Variants in PCDHGA6 observed in about 807,000 individuals in gnomAD.
PCDHGA6 encodes protocadherin gamma-A6.
Under a neutral mutation model 60.6 loss-of-function variants are expected in PCDHGA6, and 41 were observed. The observed-to-expected ratio is 0.68, with a 90% CI of 0.53 to 0.88. The LOEUF is 0.88. Among genes scored for constraint, PCDHGA6 ranks in the 40% least tolerant of loss-of-function variants. PCDHGA6 has a pLI of 0.00. For missense variants in PCDHGA6, 1,312 were observed against 1,203.0 expected (o/e 1.09, Z -1.34); for synonymous variants, 594 against 524.4 (o/e 1.13, Z -1.81).
chr5:141,476,687 A>G lies in PCDHGA6; in HGVS notation c.2425-18120A>G. 1 of 1,614,212 alleles carries G rather than the reference A, an allele frequency of 6.2e-7. No individual in the cohort carries two copies. Among genetic ancestry groups the G allele is most frequent in the Non-Finnish European group, 8.5e-7 (1 of 1,180,044 alleles). On this transcript the variant is annotated intron_variant, in intron 1 of 3. Transcript: ENST00000517434. This position sits in a 1 kb window ranked among gnomAD's most constrained non-coding sequence, Gnocchi z 7.6. ...TCGCGTGCAGACGCGGGAGGACAGC[A>G]CCAAGTACGCGGAGCTGGTGTTGGA... is the stretch of plus-strand genomic sequence containing the variant.
chr5:141,436,638 A>G (rs2097838155), intron 1 of PCDHGA6, among the ~76,000 whole-genome samples: 1 of 152,194 alleles, frequency 6.6e-6, no homozygotes, highest in Non-Finnish European at 1.5e-5. Flanking sequence ...ACATGCAATT[A>G]ATTAACAGTA....
In PCDHGA6 at chr5:141,511,125, A is replaced by T. The variant is rs755685600; in HGVS notation, c.2751A>T (p.Ala917=). Residue 917 remains alanine, a synonymous_variant, in exon 4 of 4, where the codon GCA becomes GCT. Transcript: ENST00000517434. ...GCAAGCGGGATGGCAAGGCCCCAGCAGGTGGCAATGGCAACAAGAAGAAGT... is the reference window on the plus strand; with the variant it reads ...GCAAGCGGGATGGCAAGGCCCCAGCTGGTGGCAATGGCAACAAGAAGAAGT... ...AAGKRDGKAP[A]GGNGNKKKSG... 2 of 1,614,216 alleles carry T rather than the reference A, an allele frequency of 1.2e-6. No individual in the cohort carries two copies. The highest frequency in any genetic ancestry group is 2.2e-5 in the South Asian group (2 of 91,092).
intron 1 of PCDHGA6, chr5:141,392,823 C>A: frequency 6.3e-7 from 1 of 1,599,890 alleles, no homozygotes; most frequent in Non-Finnish European, 8.5e-7. Flanking sequence ...AATGGCCGCT[C>A]CACAGAGTCG....
chr5:141,427,798 T>A, intron 1 of PCDHGA6: 1 of 1,506,550 alleles, frequency 6.6e-7, no homozygotes. Context: ...TACGTGTCCG[T>A]GAGCGCACAG....
intron 1 of PCDHGA6, chr5:141,413,659 A>G (rs2095663872): frequency 1.2e-6 from 2 of 1,613,830 alleles, no homozygotes; most frequent in African/African-American, 1.3e-5. Flanking sequence ...CCCGGAAGCT[A>G]TTGATCCGGA....
intron 1 of PCDHGA6, among the ~76,000 whole-genome samples, chr5:141,466,790 A>C (rs1240777427): frequency 2.0e-5 from 3 of 152,210 alleles, no homozygotes; most frequent in Non-Finnish European, 2.9e-5. Context: ...TTAGTGCCTC[A>C]AACTAGATCC....
At chr5:141,418,572 A>AC (rs752316020) in intron 1 of PCDHGA6, 2 of 1,613,794 alleles carry the variant, frequency 1.2e-6, no homozygotes, top group African/African-American at 1.3e-5. Context: ...GCCAATGACA[A>AC]CCCCCCAGTG....
intron 1 of PCDHGA6, among the ~76,000 whole-genome samples, chr5:141,472,718 G>A (rs980710833): frequency 1.3e-5 from 2 of 152,002 alleles, no homozygotes; most frequent in Non-Finnish European, 2.9e-5. Context: ...AGGCGCTGTG[G>A]CTCACACCTG....
intron 1 of PCDHGA6, among the ~76,000 whole-genome samples, chr5:141,488,417 C>T (rs2099675171): frequency 6.6e-6 from 1 of 152,224 alleles, no homozygotes; most frequent in Non-Finnish European, 1.5e-5. Context: ...GCCAAGCCAT[C>T]CATGCTTGGC....
rs1484954022 is a variant in PCDHGA6 at position 141,511,920 on chromosome 5, T to C, written c.*747T>C. 1 of 156,200 alleles carries C rather than the reference T, an allele frequency of 6.4e-6. No individual in the cohort carries two copies. Among genetic ancestry groups the C allele is most frequent in the Non-Finnish European group, 1.4e-5 (1 of 70,262 alleles). The allele number at this position is 156,200 out of a possible 1,614,324, so 9.7% of individuals were successfully genotyped here. The stretch of plus-strand genomic sequence containing the variant: ...CTCCTCCTCAAACAAGAGACTCCAC[T>C]GCATGTTCCAAGACAGTATGGGGTG... On this transcript the variant is annotated 3_prime_UTR_variant, in exon 4 of 4. Coordinates refer to ENST00000517434, the MANE Select transcript of PCDHGA6 (RefSeq NM_018919.3).
intron 2 of PCDHGA6, among the ~76,000 whole-genome samples, chr5:141,503,598 C>CAA (rs765754054): frequency 1.5e-4 from 10 of 65,698 alleles, no homozygotes; most frequent in African/African-American, 2.3e-4. Context: ...GACTCCAGCT[C>CAA]AAAAAAAAAA....
intron 1 of PCDHGA6, chr5:141,419,629 G>T: frequency 6.2e-7 from 1 of 1,612,444 alleles, no homozygotes; most frequent in Non-Finnish European, 8.5e-7. Context: ...TGGTGACCAA[G>T]GTGGTGGCCG....
intron 1 of PCDHGA6, among the ~76,000 whole-genome samples, chr5:141,466,704 T>C (rs1175063183): frequency 6.6e-6 from 1 of 152,202 alleles, no homozygotes; most frequent in Admixed American, 6.5e-5. Context: ...AAATTTGATG[T>C]CTGTTCTTGT....
chr5:141,392,060 G>A (rs537832041), intron 1 of PCDHGA6: 11 of 151,956 alleles, frequency 7.2e-5, no homozygotes, highest in Non-Finnish European at 1.5e-4. Context: ...AAATATTATC[G>A]ACATGTAATT....
rs767129187 is a variant in PCDHGA6, at chr5:141,374,644, T to C, written c.561T>C (p.His187=). The C allele has an allele frequency of 5.3e-5, 85 of 1,612,642 alleles. No homozygotes were observed. Among genetic ancestry groups the C allele is most frequent in the Middle Eastern group, 3.3e-4 (2 of 6,084 alleles). Reference sequence around the variant, plus strand: ...CAGTGGACGTGCAAAGCGAAGCCCATGGGCCCAAGTACCCGGAGCTGGTGC... The same window carrying C: ...CAGTGGACGTGCAAAGCGAAGCCCACGGGCCCAAGTACCCGGAGCTGGTGC... ...HFSVDVQSEA[H]GPKYPELVLE... is the part of the protein sequence containing the mutation. The change falls in exon 1 of 4, where the codon CAT becomes CAC. Residue 187 remains histidine, a synonymous_variant. Transcript: ENST00000517434.
intron 1 of PCDHGA6, among the ~76,000 whole-genome samples, chr5:141,458,871 T>C (rs2098955493): frequency 6.6e-6 from 1 of 152,210 alleles, no homozygotes; most frequent in African/African-American, 2.4e-5. Flanking sequence ...TAGCTGGGAC[T>C]ACAGGCATGC....
chr5:141,427,111 C>G (rs1324091636), intron 1 of PCDHGA6: 7 of 457,560 alleles, frequency 1.5e-5, no homozygotes, highest in South Asian at 1.1e-4. Context: ...GCGGAGATCA[C>G]CTACTCTTTC....
At chr5:141,409,952 C>T (rs892751686) in intron 1 of PCDHGA6, 2 of 1,613,232 alleles carry the variant, frequency 1.2e-6, no homozygotes, top group Non-Finnish European at 1.7e-6. Context: ...CTCTGCAGAG[C>T]CCGGCTACCT....
chr5:141,399,260 T>A (rs2093776436), intron 1 of PCDHGA6: 1 of 1,613,614 alleles, frequency 6.2e-7, no homozygotes, highest in South Asian at 1.1e-5. Context: ...AATGGGGAGG[T>A]TAATTGTCAA....
Sources: allele counts gnomAD v4.1 joint callset (sites outside exome capture counted in the v4.1 genomes callset), GRCh38; gene constraint gnomAD v4.1.1; non-coding constraint Gnocchi (gnomAD v3.1); transcripts MANE v1.5; gene names NCBI Gene and HGNC (gene_info 2026-07-23, HGNC 2026-07-21).